NAF1: variants seen among roughly 807,000 people sequenced by gnomAD.
The protein encoded by NAF1 is nuclear assembly factor 1 ribonucleoprotein.
In NAF1, 11 loss-of-function variants were observed where a neutral mutation model predicts 40.6. The observed-to-expected ratio is 0.27, with a 90% CI of 0.17 to 0.45. The LOEUF (loss-of-function observed/expected upper bound fraction) is 0.45, where lower values mean the gene tolerates loss of function less well. Among genes scored for constraint, NAF1 ranks in the 20% least tolerant of loss-of-function variants. The pLI is 1.00. For synonymous variants in NAF1, 260 were observed against 228.5 expected (o/e 1.14, Z -1.24); for missense variants, 607 against 611.1 (o/e 0.99, Z 0.07).
At chr4:163,165,342 T>A (rs1732408396) in intron 1 of NAF1, among the ~76,000 whole-genome samples, 1 of 152,230 alleles carries the variant, frequency 6.6e-6, no homozygotes, top group Non-Finnish European at 1.5e-5. Context: ...TCAGAAGTAG[T>A]ATCCTGACAC....
Position 163,166,665 on chromosome 4 carries a change from A to G in NAF1, c.63T>C (p.Phe21=), listed in dbSNP as rs1001088563. The G allele has an allele frequency of 6.2e-6, 10 of 1,613,566 alleles. No individual in the cohort carries two copies. Among genetic ancestry groups the G allele is most frequent in the African/African-American group, 2.7e-5 (2 of 74,938 alleles). Residue 21 remains phenylalanine (F), a synonymous_variant, in exon 1 of 8, where the codon TTT becomes TTC. Transcript: ENST00000274054. ...GAGCCGCCGGACCTTCCCCAACTCC[A>G]AAGTCGGTGCCATTGAATTTCAGAG... ...LETLKFNGTD[F]GVGEGPAAPS... is the part of the protein sequence containing the mutation.
chr4:163,110,660 T>C (rs1730132792), intron 2 of NAF1, among the ~76,000 whole-genome samples: 1 of 152,192 alleles, frequency 6.6e-6, no homozygotes, highest in African/African-American at 2.4e-5. Context: ...TTTGCTTCAA[T>C]ACATTTCCAC....
At chr4:163,162,149 A>G (rs751740648) in intron 2 of NAF1, among the ~76,000 whole-genome samples, 4 of 152,112 alleles carry the variant, frequency 2.6e-5, no homozygotes, top group Non-Finnish European at 4.4e-5. Context: ...CTTTCATGCA[A>G]GAGTCTATCA....
At chr4:163,109,452 GAA>G (rs1406749177), downstream of NAF1, among the ~76,000 whole-genome samples, 4 of 151,896 alleles carry the variant, frequency 2.6e-5, no homozygotes, top group East Asian at 1.9e-4. Flanking sequence ...GGGGAAAGAA[GAA>G]AAAAGTTTTG....
chr4:163,151,148 T>C (rs1579172490), intron 2 of NAF1, among the ~76,000 whole-genome samples: 1 of 152,026 alleles, frequency 6.6e-6, no homozygotes, highest in African/African-American at 2.4e-5. Flanking sequence ...TTGTCTTTTA[T>C]CAAATATGTA....
chr4:163,123,529 GC>G (rs1730572245), downstream of NAF1, among the ~76,000 whole-genome samples: 2 of 152,126 alleles, frequency 1.3e-5, no homozygotes, highest in African/African-American at 4.8e-5. Context: ...CTACAGGCAT[GC>G]GTAACCATGC....
At chr4:163,124,552 G>GA (rs36077606), downstream of NAF1, among the ~76,000 whole-genome samples, 10 of 150,664 alleles carry the variant, frequency 6.6e-5, no homozygotes, top group Admixed American at 3.3e-4. Context: ...ATAATTACAA[G>GA]AAAAAAAAAG....
chr4:163,133,231 T>C lies in NAF1; in HGVS notation c.956A>G (p.Lys319Arg), dbSNP rs1730936696. ...PEALDFSDDEKEKEAKQRKKS... is the reference protein window; with the variant it reads ...PEALDFSDDEREKEAKQRKKS... ...TTTCCTCTGTTTGGCTTCCTTCTCTTTTTCATCATCACTAAAATCTAAGGC... is the reference window on the plus strand; with the variant it reads ...TTTCCTCTGTTTGGCTTCCTTCTCTCTTTCATCATCACTAAAATCTAAGGC... Residue 319 changes from lysine (K) to arginine (R), a missense_variant, in exon 7 of 8, where the codon AAA (lysine) becomes AGA (arginine). Around this residue, in one of 3 missense-constraint regions of NAF1, gnomAD observed 11 missense variants for 29.1 expected, o/e 0.38. Transcript: ENST00000274054. 1 of 1,613,772 alleles carries C rather than the reference T, an allele frequency of 6.2e-7. No homozygotes were observed. The highest frequency in any genetic ancestry group is 1.7e-5 in the Admixed American group (1 of 60,012).
chr4:163,125,120 GCTGTTTC>G (rs1379333811), downstream of NAF1, among the ~76,000 whole-genome samples: 33 of 152,280 alleles, frequency 2.2e-4, no homozygotes, highest in African/African-American at 7.5e-4. Context: ...CCACACATCT[GCTGTTTC>G]CTTTTCTCTC....
rs143997397 is a variant in NAF1 at position 163,152,109 on chromosome 4, T to TGAAA, written c.541-3679_541-3676dup. ...ATTCCAAATTCCAGAATCTCAAATA[T>TGAAA]GAAACAATTGTGATGACAGTGGACA... On this transcript the variant is annotated intron_variant, in intron 2 of 7. Coordinates refer to ENST00000274054, the MANE Select transcript of NAF1 (RefSeq NM_138386.3). Among the ~76,000 whole-genome samples the TGAAA allele has an allele frequency of 7.7e-3, 1,172 of 152,282 alleles. 22 individuals are homozygous for TGAAA. The highest frequency in any genetic ancestry group is 0.027 in the African/African-American group (1,110 of 41,558).
chr4:163,141,263 C>A (rs775423777), intron 4 of NAF1, among the ~76,000 whole-genome samples: 1 of 152,040 alleles, frequency 6.6e-6, no homozygotes, highest in African/African-American at 2.4e-5. Context: ...CACTCAGGGG[C>A]TGAGGCAAGA....
intron 2 of NAF1, among the ~76,000 whole-genome samples, chr4:163,161,158 C>A (rs2111050715): frequency 6.6e-6 from 1 of 152,112 alleles, no homozygotes; most frequent in East Asian, 1.9e-4. Flanking sequence ...ATACTGAAAT[C>A]CATGTATAAG....
downstream of NAF1, among the ~76,000 whole-genome samples, chr4:163,123,676 C>T (rs896212031): frequency 6.6e-6 from 1 of 152,214 alleles, no homozygotes; most frequent in African/African-American, 2.4e-5. Flanking sequence ...AACCACCCTA[C>T]CCGGCCTACA....
intron 5 of NAF1, 97 bp from the exon 6 acceptor site, chr4:163,137,347 T>C (rs1731100386): frequency 1.5e-6 from 2 of 1,306,784 alleles, no homozygotes; most frequent in South Asian, 1.5e-5. Flanking sequence ...GTAAAGGACA[T>C]GAGTTCAACC....
downstream of NAF1, among the ~76,000 whole-genome samples, chr4:163,122,793 T>C (rs1730552824): frequency 6.6e-6 from 1 of 152,168 alleles, no homozygotes; most frequent in African/African-American, 2.4e-5. Flanking sequence ...CTTCACCATG[T>C]GATGACATAG....
chr4:163,129,416 A>T lies in NAF1; in HGVS notation c.1034-68T>A. On this transcript the variant is annotated intron_variant, in intron 7 of 7. Coordinates refer to ENST00000274054, the MANE Select transcript of NAF1 (RefSeq NM_138386.3). The stretch of plus-strand genomic sequence containing the variant: ...TAATATATCAAAAAGCATTGTTTGA[A>T]ATTTCAATTATGATTTTTATTATCC... The T allele has an allele frequency of 4.2e-6, 6 of 1,413,830 alleles. 1 individual carries two copies. The South Asian group carries it at 6.9e-5, about 16-fold the overall frequency. The allele number at this position is 1,413,830 out of a possible 1,614,324, so 87.6% of individuals were successfully genotyped here. A position where few individuals can be genotyped will look rare whatever the true frequency, so the allele number is the denominator to read the frequency against.
At chr4:163,123,679 G>A (rs755059476), downstream of NAF1, among the ~76,000 whole-genome samples, 28 of 152,094 alleles carry the variant, frequency 1.8e-4, no homozygotes, top group Admixed American at 1.4e-3. Context: ...CACCCTACCC[G>A]GCCTACAGCT....
chr4:163,140,115 CTT>C, intron 5 of NAF1, 106 bp downstream of exon 5: 1 of 852,622 alleles, frequency 1.2e-6, no homozygotes, highest in Admixed American at 3.0e-5. Context: ...TAAATGAACT[CTT>C]TGCAAGACAC....
At chr4:163,137,099 G>A in intron 6 of NAF1, 100 bp downstream of exon 6, 1 of 1,319,220 alleles carries the variant, frequency 7.6e-7, no homozygotes, top group South Asian at 1.3e-5. Context: ...ATGGCTGCTA[G>A]CCAGTATTAA....
Sources: gnomAD v4.1 joint callset for allele counts (sites outside exome capture counted in the v4.1 genomes callset) on GRCh38, gnomAD v4.1.1 for gene constraint, gnomAD v4.1.1 regional missense constraint, MANE v1.5 for transcripts, NCBI Gene and HGNC (gene_info 2026-07-23, HGNC 2026-07-21) for gene names.